The following LINGO1 variants were observed in gnomAD, a reference collection of about 807,000 sequenced individuals.
LINGO1 encodes leucine rich repeat and Ig domain containing 1, also known as leucine-rich repeat and immunoglobulin-like domain-containing nogo receptor-interacting protein 1.
Under a neutral mutation model 37.3 loss-of-function variants are expected in LINGO1, and 11 were observed. The observed-to-expected ratio is 0.29, with a 90% CI of 0.19 to 0.49. LINGO1 has a LOEUF of 0.49. Among genes scored for constraint, LINGO1 ranks in the 20% least tolerant of loss-of-function variants. The pLI, the probability that LINGO1 is intolerant of heterozygous loss-of-function variation, is 0.99. For missense variants in LINGO1, 585 were observed against 878.2 expected, an observed-to-expected ratio of 0.67 and a Z score of 4.22; for synonymous variants, 387 against 403.0, an observed-to-expected ratio of 0.96 and a Z score of 0.48.
upstream of LINGO1, among the ~76,000 whole-genome samples, chr15:77,699,880 T>C (rs779566715): frequency 9.2e-5 from 14 of 151,912 alleles, no homozygotes; most frequent in Non-Finnish European, 1.5e-4. Context: ...GGGCTAAGTT[T>C]ACCTGCTAAC....
At chr15:77,657,908 C>T (rs563435545) in intron 3 of LINGO1, among the ~76,000 whole-genome samples, 3 of 152,190 alleles carry the variant, frequency 2.0e-5, no homozygotes, top group South Asian at 2.1e-4. Context: ...TGCACCAAGA[C>T]GTGACAAAAA....
At chr15:77,668,893 T>A (rs2075195380) in intron 3 of LINGO1, among the ~76,000 whole-genome samples, 1 of 151,850 alleles carries the variant, frequency 6.6e-6, no homozygotes, top group Non-Finnish European at 1.5e-5. Flanking sequence ...CCTCTCCCTG[T>A]TGAGAAGGAA....
chr15:77,698,469 T>C (rs746489697), upstream of LINGO1, among the ~76,000 whole-genome samples: 5 of 152,172 alleles, frequency 3.3e-5, no homozygotes, highest in South Asian at 2.1e-4. Context: ...CAGGACCTAC[T>C]ACTGGTTTGG....
intron 1 of LINGO1, among the ~76,000 whole-genome samples, chr15:77,785,710 C>T (rs1318208024): frequency 1.3e-5 from 2 of 152,146 alleles, no homozygotes; most frequent in African/African-American, 4.8e-5. Flanking sequence ...ACCACACGTG[C>T]TCTCTGTCAC....
At chr15:77,814,222 A>C (rs970632187) in intron 1 of LINGO1, among the ~76,000 whole-genome samples, 1 of 152,112 alleles carries the variant, frequency 6.6e-6, no homozygotes, top group Non-Finnish European at 1.5e-5. Context: ...TCTCCACCCC[A>C]GAAGTTTGGA....
intron 3 of LINGO1, among the ~76,000 whole-genome samples, chr15:77,669,252 T>C (rs1423780900): frequency 6.6e-6 from 1 of 152,212 alleles, no homozygotes; most frequent in Non-Finnish European, 1.5e-5. Flanking sequence ...TAGAGTGTCC[T>C]GGCTTAGGGT....
chr15:77,655,538 C>T (rs1037693620), intron 3 of LINGO1, among the ~76,000 whole-genome samples: 4 of 152,054 alleles, frequency 2.6e-5, no homozygotes, highest in Non-Finnish European at 5.9e-5. Flanking sequence ...CAGTGGATGC[C>T]GGCAACCGTG....
At chr15:77,701,041 G>C (rs928789490), upstream of LINGO1, among the ~76,000 whole-genome samples, 1 of 152,216 alleles carries the variant, frequency 6.6e-6, no homozygotes, top group Non-Finnish European at 1.5e-5. Context: ...ACCACACACT[G>C]TGGGATAGGT....
intron 1 of LINGO1, among the ~76,000 whole-genome samples, chr15:77,776,814 C>T (rs186256923): frequency 2.0e-5 from 3 of 152,216 alleles, no homozygotes; most frequent in Non-Finnish European, 4.4e-5. Flanking sequence ...AAGCATTGTA[C>T]ATATTTTAAC....
At chr15:77,747,408 G>A (rs2141359660) in intron 1 of LINGO1, among the ~76,000 whole-genome samples, 1 of 152,182 alleles carries the variant, frequency 6.6e-6, no homozygotes, top group African/African-American at 2.4e-5. Context: ...CTCTTCCCTG[G>A]GACAAGACCT....
rs760136702 is a variant in LINGO1, at chr15:77,615,856, G to A, written c.51C>T (p.Ser17=). Residue 17 remains serine (S), a synonymous_variant, in exon 2 of 2, where the codon AGC becomes AGT. Coordinates refer to ENST00000355300, the MANE Select transcript of LINGO1 (RefSeq NM_032808.7). ...TGGGCTGCCAGCAGGCCAGGAGGGG[G>A]CTGGGCATGCTCCTCACGCCCCCCG... ...MLAGGVRSMP[S]PLLACWQPIL... is the part of the protein sequence containing the mutation. 1.3e-6 allele frequency: 2 copies of A among 1,492,084 alleles called. No homozygotes were observed. Among genetic ancestry groups the A allele is most frequent in the Non-Finnish European group, 8.9e-7 (1 of 1,127,722 alleles). 92.4% of individuals were successfully genotyped at this position (1,492,084 alleles called of 1,614,324 possible). A position where few individuals can be genotyped will look rare whatever the true frequency, so the allele number is the denominator to read the frequency against.
At chr15:77,741,651 G>A (rs899558410) in intron 1 of LINGO1, among the ~76,000 whole-genome samples, 1 of 152,166 alleles carries the variant, frequency 6.6e-6, no homozygotes, top group African/African-American at 2.4e-5. Context: ...AAACAAAACC[G>A]CTTGACCTTG....
chr15:77,779,337 C>A (rs543448408), intron 1 of LINGO1, among the ~76,000 whole-genome samples: 49 of 152,204 alleles, frequency 3.2e-4, no homozygotes, highest in African/African-American at 1.1e-3. Flanking sequence ...TTCCACAGCC[C>A]AGGGTTGGGG....
intron 2 of LINGO1, among the ~76,000 whole-genome samples, chr15:77,687,612 A>C (rs2075534164): frequency 6.6e-6 from 1 of 152,192 alleles, no homozygotes; most frequent in Non-Finnish European, 1.5e-5. Flanking sequence ...CTAGCCTTCA[A>C]AAACACAGTG....
chr15:77,692,279 G>A (rs2075617740), intron 1 of LINGO1, among the ~76,000 whole-genome samples: 1 of 152,240 alleles, frequency 6.6e-6, no homozygotes, highest in African/African-American at 2.4e-5. Flanking sequence ...TGAGGAAACT[G>A]AGGCACAGAG....
chr15:77,739,723 C>T (rs1246814736), intron 1 of LINGO1, among the ~76,000 whole-genome samples: 2 of 152,234 alleles, frequency 1.3e-5, no homozygotes, highest in African/African-American at 4.8e-5. Context: ...TTTCAGGAGG[C>T]CCAGCCCACC....
rs534269289 is a variant in LINGO1 at position 77,786,009 on chromosome 15, G to A, written c.-257+860C>T. Among the ~76,000 whole-genome samples, 218 of 152,294 alleles carry A rather than the reference G, an allele frequency of 1.4e-3. 2 individuals carry two copies. The highest frequency in any genetic ancestry group is 2.3e-3 in the Non-Finnish European group (154 of 68,020). On this transcript the variant is annotated intron_variant, in intron 1 of 3. Transcript: ENST00000561686. The stretch of plus-strand genomic sequence containing the variant: ...AGAACTCCCACTGAGGGAGTACAAC[G>A]CCTCCGTGAGGTAGGTATCATTATG...
At chr15:77,789,055 C>T (rs567795994), upstream of LINGO1, among the ~76,000 whole-genome samples, 19 of 152,278 alleles carry the variant, frequency 1.2e-4, no homozygotes, top group African/African-American at 4.3e-4. Context: ...TCCTGTGCAC[C>T]CCACGGCATG....
upstream of LINGO1, among the ~76,000 whole-genome samples, chr15:77,700,187 C>A (rs2141272333): frequency 6.6e-6 from 1 of 152,300 alleles, no homozygotes; most frequent in East Asian, 1.9e-4. Flanking sequence ...CTCCTCAGGG[C>A]ACCTTCAGCC....
Sources: gnomAD v4.1 joint callset for allele counts (sites outside exome capture counted in the v4.1 genomes callset) on GRCh38, gnomAD v4.1.1 for gene constraint, MANE v1.5 for transcripts, NCBI Gene and HGNC (gene_info 2026-07-23, HGNC 2026-07-21) for gene names.